ZNRF1: variants seen among roughly 807,000 people sequenced by gnomAD.
ZNRF1 encodes the protein E3 ubiquitin-protein ligase ZNRF1.
Under a neutral mutation model 18.4 loss-of-function variants are expected in ZNRF1, and 3 were observed. The observed-to-expected ratio is 0.16, with a 90% CI of 0.07 to 0.42. The LOEUF (loss-of-function observed/expected upper bound fraction) is 0.42, where lower values mean the gene tolerates loss of function less well. Among genes scored for constraint, ZNRF1 ranks in the 10% least tolerant of loss-of-function variants. ZNRF1 has a pLI of 0.99. For synonymous variants in ZNRF1, 157 were observed against 144.2 expected (o/e 1.09, Z -0.64); for missense variants, 310 against 329.8 (o/e 0.94, Z 0.47).
At chr16:75,038,830 A>G (rs1157589447) in intron 1 of ZNRF1, among the ~76,000 whole-genome samples, 1 of 152,182 alleles carries the variant, frequency 6.6e-6, no homozygotes, top group Non-Finnish European at 1.5e-5. Context: ...CATACTGATA[A>G]GAGAAATTGA....
chr16:75,093,540 A>G, intron 1 of ZNRF1, 32 bp from the exon 2 acceptor site: 1 of 1,567,290 alleles, frequency 6.4e-7, no homozygotes. Flanking sequence ...GGATCTGGAG[A>G]AAACATTTCA....
intron 1 of ZNRF1, among the ~76,000 whole-genome samples, chr16:75,072,654 G>C (rs1351322352): frequency 6.6e-6 from 1 of 152,208 alleles, no homozygotes; most frequent in African/African-American, 2.4e-5. Flanking sequence ...CATAGGATTA[G>C]CTATGTTGTA....
At chr16:75,087,641 T>C (rs1447443288) in intron 1 of ZNRF1, among the ~76,000 whole-genome samples, 1 of 152,184 alleles carries the variant, frequency 6.6e-6, no homozygotes, top group Non-Finnish European at 1.5e-5. Flanking sequence ...AATTGGGTGA[T>C]TAAGGACACA....
At chr16:75,022,989 C>G (rs2035173685) in intron 1 of ZNRF1, among the ~76,000 whole-genome samples, 2 of 152,126 alleles carry the variant, frequency 1.3e-5, no homozygotes, top group South Asian at 4.1e-4. Context: ...CTTTTCTTTC[C>G]TGTAATTTGG....
rs568823835 is a variant in ZNRF1, at chr16:75,058,746, C to T, written c.425-34826C>T. On this transcript the variant is annotated intron_variant, in intron 1 of 4. Transcript: ENST00000335325. The stretch of plus-strand genomic sequence containing the variant: ...GTAGATGGCAGTGGGTGTTGGTACT[C>T]ATCTTGCTCTGCTGGTTGGACTCAG... 3.3e-5 allele frequency among the ~76,000 whole-genome samples: 5 copies of T among 152,302 alleles called. No individual in the cohort carries two copies. In the East Asian group the frequency reaches 7.7e-4, roughly 23 times the overall value.
intron 1 of ZNRF1, among the ~76,000 whole-genome samples, chr16:75,022,833 G>T (rs76236634): frequency 2.6e-5 from 4 of 152,144 alleles, no homozygotes; most frequent in African/African-American, 9.7e-5. Flanking sequence ...TCAGAAAATG[G>T]ATCAAGTGAA....
Position 75,109,673 on chromosome 16 carries a change from C to T in ZNRF1, c.*1973C>T, listed in dbSNP as rs560804799. ...GGGCTCTAGACTGTGCATTCAGGCT[C>T]TCCTACTTGGCAGAATGATCTTGGG... On this transcript the variant is annotated 3_prime_UTR_variant, in exon 5 of 5. Coordinates refer to ENST00000335325, the MANE Select transcript of ZNRF1 (RefSeq NM_032268.5). 1.3e-5 allele frequency: 2 copies of T among 152,576 alleles called. No individual in the cohort carries two copies. Among genetic ancestry groups the T allele is most frequent in the South Asian group, 2.1e-4 (1 of 4,828 alleles). The allele number at this position is 152,576 out of a possible 1,614,324, so 9.5% of individuals were successfully genotyped here.
chr16:75,070,270 C>G (rs1033666043), intron 1 of ZNRF1, among the ~76,000 whole-genome samples: 2 of 152,272 alleles, frequency 1.3e-5, no homozygotes, highest in Admixed American at 6.5e-5. Flanking sequence ...CCAGGCCGGC[C>G]TCTCCATTCA....
At position 75,108,850 on chromosome 16, in the gene ZNRF1, A is replaced by G; in HGVS notation, c.*1150A>G. 1 of 312,576 alleles carries G rather than the reference A, an allele frequency of 3.2e-6. No homozygotes were observed. The highest frequency in any genetic ancestry group is 5.7e-6 in the Non-Finnish European group (1 of 175,226). 19.4% of individuals were successfully genotyped at this position (312,576 alleles called of 1,614,324 possible). On this transcript the variant is annotated 3_prime_UTR_variant, in exon 5 of 5. Coordinates refer to ENST00000335325, the MANE Select transcript of ZNRF1 (RefSeq NM_032268.5). ...GCTCCAGGTGTGTGAATTGGTCCTCAGATAGTCAGGCCTGGGTGGAGGGAG... is the reference window on the plus strand; with the variant it reads ...GCTCCAGGTGTGTGAATTGGTCCTCGGATAGTCAGGCCTGGGTGGAGGGAG...
At chr16:75,010,711 G>GTGT (rs1367958306) in intron 1 of ZNRF1, among the ~76,000 whole-genome samples, 4 of 74,324 alleles carry the variant, frequency 5.4e-5, no homozygotes, top group African/African-American at 1.6e-4. Flanking sequence ...GTTTTTTTTT[G>GTGT]TTTTTTTGTT....
At chr16:75,041,927 C>T (rs1281800535) in intron 1 of ZNRF1, among the ~76,000 whole-genome samples, 4 of 151,958 alleles carry the variant, frequency 2.6e-5, no homozygotes, top group Admixed American at 6.6e-5. Context: ...ACCTGGGAGA[C>T]GGAGGTCGCA....
At chr16:75,016,537 G>A (rs1409584127) in intron 1 of ZNRF1, among the ~76,000 whole-genome samples, 1 of 147,160 alleles carries the variant, frequency 6.8e-6, no homozygotes, top group Non-Finnish European at 1.5e-5. Flanking sequence ...ACTGCACCCA[G>A]CCTATTTTTA....
At chr16:75,050,043 G>A (rs1048985450) in intron 1 of ZNRF1, among the ~76,000 whole-genome samples, 2 of 152,064 alleles carry the variant, frequency 1.3e-5, no homozygotes, top group Non-Finnish European at 2.9e-5. Context: ...TCCAGCTCTA[G>A]AATTTCATCA....
At chr16:75,093,698 A>C in intron 2 of ZNRF1, 31 bp downstream of exon 2, 2 of 1,587,038 alleles carry the variant, frequency 1.3e-6, no homozygotes, top group Non-Finnish European at 1.7e-6. Flanking sequence ...ACCAGCCTCC[A>C]GAGCATCCGT....
chr16:75,000,091 T>A lies in ZNRF1; in HGVS notation c.420T>A (p.His140Gln), dbSNP rs530567539. The change falls in exon 1 of 5, where the codon CAT (histidine) becomes CAA (glutamine). Residue 140 changes from histidine (H) to glutamine (Q), a missense_variant. Physicochemically the swap from His to Gln is conservative, Grantham distance 24. Coordinates refer to ENST00000335325, the MANE Select transcript of ZNRF1 (RefSeq NM_032268.5). ...LHIAPRWFSS[H>Q]SGFKCPICSK... Reference sequence around the variant, plus strand: ...TCGCACCCAGGTGGTTCAGCTCGCATAGTGGTGAGTCCGCGGGTGGTGGAG... The same window carrying A: ...TCGCACCCAGGTGGTTCAGCTCGCAAAGTGGTGAGTCCGCGGGTGGTGGAG... The A allele has an allele frequency of 5.0e-6, 8 of 1,599,560 alleles. No homozygotes were observed. The South Asian group carries it at 5.7e-5, about 11-fold the overall frequency.
At chr16:75,026,243 A>G (rs2035222440) in intron 1 of ZNRF1, among the ~76,000 whole-genome samples, 1 of 152,160 alleles carries the variant, frequency 6.6e-6, no homozygotes, top group Non-Finnish European at 1.5e-5. Flanking sequence ...AAAGAAAAAC[A>G]TTCTAAGGTT....
intron 1 of ZNRF1, among the ~76,000 whole-genome samples, chr16:75,021,729 C>G (rs2035151540): frequency 6.6e-6 from 1 of 152,058 alleles, no homozygotes; most frequent in African/African-American, 2.4e-5. Context: ...ATGTTTTTTT[C>G]TCTTGGCTGC....
chr16:75,052,678 TCAGA>T (rs761536992), intron 1 of ZNRF1, among the ~76,000 whole-genome samples: 1 of 152,136 alleles, frequency 6.6e-6, no homozygotes, highest in Non-Finnish European at 1.5e-5. Context: ...GGCAGGTGTG[TCAGA>T]CAGTAAAATT....
rs1251098484 is a variant in ZNRF1 at position 75,065,183 on chromosome 16, A to G, written c.425-28389A>G. Among the ~76,000 whole-genome samples, 9 of 152,236 alleles carry G rather than the reference A, an allele frequency of 5.9e-5. No individual in the cohort carries two copies. In the South Asian group the frequency reaches 1.9e-3, roughly 31 times the overall value. ...CAGGCAGCCAGAGCTGAAGACGAGG[A>G]AAAGCAAAAATGATAAGAAAGCCTG... On this transcript the variant is annotated intron_variant, in intron 1 of 4. Coordinates refer to ENST00000335325, the MANE Select transcript of ZNRF1 (RefSeq NM_032268.5).
Sources: allele counts gnomAD v4.1 joint callset (sites outside exome capture counted in the v4.1 genomes callset), GRCh38; gene constraint gnomAD v4.1.1; transcripts MANE v1.5; gene names NCBI Gene and HGNC (gene_info 2026-07-23, HGNC 2026-07-21).